PTPRJ: variants seen among roughly 807,000 people sequenced by gnomAD.
PTPRJ encodes the protein protein tyrosine phosphatase receptor type J, also known as receptor-type tyrosine-protein phosphatase eta.
A neutral mutation model predicts 141.3 loss-of-function variants in PTPRJ; 129 were observed. That is an observed-to-expected ratio of 0.91 (90% confidence interval 0.79 to 1.06). The LOEUF (loss-of-function observed/expected upper bound fraction) is 1.06. Ranked by LOEUF, PTPRJ falls within the 50% of genes least tolerant of loss-of-function variation. PTPRJ has a pLI of 0.00. For synonymous variants in PTPRJ, 610 were observed against 640.5 expected (o/e 0.95, Z 0.72); for missense variants, 1,601 against 1,679.7 (o/e 0.95, Z 0.82).
chr11:48,063,614 A>C (rs1855000195), intron 1 of PTPRJ, among the ~76,000 whole-genome samples: 1 of 152,222 alleles, frequency 6.6e-6, no homozygotes, highest in Non-Finnish European at 1.5e-5. Context: ...AGTCTTTCCC[A>C]GAGAGGGAAG....
intron 1 of PTPRJ, among the ~76,000 whole-genome samples, chr11:48,068,873 AT>A (rs1855155949): frequency 6.6e-6 from 1 of 152,210 alleles, no homozygotes; most frequent in Non-Finnish European, 1.5e-5. Flanking sequence ...TCTTGTGAAG[AT>A]TAAATGAGAA....
chr11:48,125,120 G>A lies in PTPRJ; in HGVS notation c.1027G>A (p.Ala343Thr). The change falls in exon 6 of 25, where the codon GCC (alanine) becomes ACC (threonine). Residue 343 changes from alanine (A) to threonine (T), a missense_variant. By Grantham distance (58) the Ala-to-Thr change is moderately conservative. Transcript: ENST00000418331. The stretch of plus-strand genomic sequence containing the variant: ...GTTAGAGCCTGGCACCCGATACAAT[G>A]CCACCGTTTATTCCCAAGCAGCGAA... The part of the protein sequence containing the change: ...VGLEPGTRYN[A>T]TVYSQAANGT... 1.2e-6 allele frequency: 2 copies of A among 1,614,078 alleles called. No homozygotes were observed. The highest frequency in any genetic ancestry group is 1.3e-5 in the African/African-American group (1 of 75,020).
At chr11:48,025,559 TGCAGAGCAG>T (rs1232622415) in intron 1 of PTPRJ, among the ~76,000 whole-genome samples, 1 of 152,142 alleles carries the variant, frequency 6.6e-6, no homozygotes, top group African/African-American at 2.4e-5. Flanking sequence ...GAACATGACA[TGCAGAGCAG>T]GCAGAGCAGG....
chr11:48,040,293 G>T (rs1166995568), intron 1 of PTPRJ, among the ~76,000 whole-genome samples: 1 of 152,238 alleles, frequency 6.6e-6, no homozygotes, highest in African/African-American at 2.4e-5. Context: ...GCGCACATGC[G>T]TGTGCACCTA....
chr11:48,157,415 T>C (rs978223322), intron 21 of PTPRJ, among the ~76,000 whole-genome samples: 1 of 152,262 alleles, frequency 6.6e-6, no homozygotes, highest in African/African-American at 2.4e-5. Flanking sequence ...GAGTTGTTTT[T>C]AAGTGTAGGT....
intron 1 of PTPRJ, among the ~76,000 whole-genome samples, chr11:48,012,562 T>C (rs999453340): frequency 6.6e-6 from 1 of 152,012 alleles, no homozygotes; most frequent in Admixed American, 6.6e-5. Flanking sequence ...TGAAGAATGA[T>C]GTTCCAGGAG....
intron 1 of PTPRJ, among the ~76,000 whole-genome samples, chr11:48,061,949 C>T (rs569242312): frequency 6.7e-6 from 1 of 149,196 alleles, no homozygotes; most frequent in Non-Finnish European, 1.5e-5. Flanking sequence ...CAGGATCTCA[C>T]CCTGTTGCCC....
At chr11:48,033,081 C>T (rs995335207) in intron 1 of PTPRJ, among the ~76,000 whole-genome samples, 1 of 151,796 alleles carries the variant, frequency 6.6e-6, no homozygotes, top group South Asian at 2.1e-4. Flanking sequence ...AGTCTAACAT[C>T]AGGTAGACTT....
intron 3 of PTPRJ, among the ~76,000 whole-genome samples, chr11:48,114,305 A>T (rs1179205568): frequency 1.3e-5 from 2 of 151,654 alleles, no homozygotes; most frequent in African/African-American, 4.8e-5. Flanking sequence ...GGGTGTGGTC[A>T]TGCATGCCTG....
Position 48,123,888 on chromosome 11 carries a change from C to G in PTPRJ, c.874+18C>G. 6.2e-7 allele frequency: 1 copy of G among 1,606,842 alleles called. No homozygotes were observed. The highest frequency in any genetic ancestry group is 8.5e-7 in the Non-Finnish European group (1 of 1,175,288). On this transcript the variant is annotated intron_variant, in intron 5 of 24. Coordinates refer to ENST00000418331, the MANE Select transcript of PTPRJ (RefSeq NM_002843.4). ...TGGCTTGGGTGAGTTACAAAGGGTA[C>G]CTTCCGTCTCCCTTACTGGTTCTTA...
chr11:48,156,140 T>C, intron 21 of PTPRJ, 21 bp downstream of exon 21: 1 of 1,518,246 alleles, frequency 6.6e-7, no homozygotes, highest in East Asian at 2.3e-5. Context: ...TTTTTAGTTT[T>C]TAAAATTTAA....
Position 48,004,301 on chromosome 11 carries a change from C to G in PTPRJ, c.96+23293C>G, listed in dbSNP as rs550212073. On this transcript the variant is annotated intron_variant, in intron 1 of 24. Coordinates refer to ENST00000418331, the MANE Select transcript of PTPRJ (RefSeq NM_002843.4). ...CCTTGATCAGATTCCTCCCCTGCGT[C>G]CTCCCTACCCTTTCTTCAACTTCAC... is the stretch of plus-strand genomic sequence containing the variant. Among the ~76,000 whole-genome samples the G allele has an allele frequency of 9.2e-5, 14 of 152,308 alleles. No individual in the cohort carries two copies. The East Asian group carries it at 2.7e-3, about 29-fold the overall frequency.
chr11:47,998,340 A>G (rs1854397048), intron 1 of PTPRJ, among the ~76,000 whole-genome samples: 1 of 152,348 alleles, frequency 6.6e-6, no homozygotes, highest in African/African-American at 2.4e-5. Context: ...GCATAAAGAA[A>G]AGACAAATAT....
chr11:48,163,393 C>T (rs1449553721), intron 22 of PTPRJ, 65 bp from the exon 23 acceptor site: 6 of 1,503,558 alleles, frequency 4.0e-6, no homozygotes, highest in African/African-American at 1.4e-5. Context: ...CTTGATTTCC[C>T]CTGCCTTTTT....
chr11:48,169,685 T>C lies in PTPRJ; in HGVS notation c.*2323T>C, dbSNP rs1858009707. 6.6e-6 allele frequency: 1 copy of C among 152,208 alleles called. No homozygotes were observed. The highest frequency in any genetic ancestry group is 1.5e-5 in the Non-Finnish European group (1 of 68,046). 9.4% of individuals were successfully genotyped at this position (152,208 alleles called of 1,614,324 possible). On this transcript the variant is annotated 3_prime_UTR_variant, in exon 25 of 25. Coordinates refer to ENST00000418331, the MANE Select transcript of PTPRJ (RefSeq NM_002843.4). ...CAGAGAAGTCAGAGGAAGGGACTTG[T>C]TGCTAAAAAATCCTTTAAAAGGTTA...
At chr11:48,026,013 C>A (rs1853799347) in intron 1 of PTPRJ, among the ~76,000 whole-genome samples, 1 of 152,228 alleles carries the variant, frequency 6.6e-6, no homozygotes, top group South Asian at 2.1e-4. Flanking sequence ...GGCACATTCT[C>A]CCTGAAGTCG....
intron 9 of PTPRJ, among the ~76,000 whole-genome samples, chr11:48,136,663 A>G (rs1857108976): frequency 6.6e-6 from 1 of 152,202 alleles, no homozygotes; most frequent in South Asian, 2.1e-4. Context: ...CGAATATTTG[A>G]ATTAAATACA....
At chr11:48,125,269 T>A (rs943321316) in intron 6 of PTPRJ, 83 bp downstream of exon 6, 49 of 1,469,478 alleles carry the variant, frequency 3.3e-5, no homozygotes, top group Non-Finnish European at 4.4e-5. Context: ...TCTGAGTGAT[T>A]TCTTGCATAA....
At chr11:48,053,154 ATATAT>A (rs1292391177) in intron 1 of PTPRJ, among the ~76,000 whole-genome samples, 1 of 112,940 alleles carries the variant, frequency 8.9e-6, no homozygotes, top group Non-Finnish European at 1.7e-5. Context: ...AAAAATAAAT[ATATAT>A]TATATATATA....
Sources: gnomAD v4.1 joint callset for allele counts (sites outside exome capture counted in the v4.1 genomes callset) on GRCh38, gnomAD v4.1.1 for gene constraint, MANE v1.5 for transcripts, NCBI Gene and HGNC (gene_info 2026-07-23, HGNC 2026-07-21) for gene names.